TGFB2: variants seen among roughly 807,000 people sequenced by gnomAD.
TGFB2 encodes the protein transforming growth factor beta-2 proprotein.
In TGFB2, 13 loss-of-function variants were observed where a neutral mutation model predicts 42.7. The ratio of observed to expected loss-of-function variants is 0.30; its 90% CI spans 0.20 to 0.48. The LOEUF (loss-of-function observed/expected upper bound fraction) is 0.48, where lower values mean the gene tolerates loss of function less well. TGFB2 is among the 20% of genes least tolerant of loss of function. The pLI is 0.99. For missense variants in TGFB2, 390 were observed against 517.5 expected, an observed-to-expected ratio of 0.75 and a Z score of 2.39; for synonymous variants, 193 against 193.6, an observed-to-expected ratio of 1.00 and a Z score of 0.03.
chr1:218,389,231 A>T (rs1047003906), intron 1 of TGFB2, among the ~76,000 whole-genome samples: 6 of 152,200 alleles, frequency 3.9e-5, no homozygotes, highest in African/African-American at 1.4e-4. Context: ...CATCATTGTT[A>T]TGTGACTTAG....
rs771714779 is a variant in TGFB2, at chr1:218,405,399, C to T, written c.510+67C>T. On this transcript the variant is annotated intron_variant, in intron 2 of 6. Coordinates refer to ENST00000366930, the MANE Select transcript of TGFB2 (RefSeq NM_003238.6). ...TTTTAGACAGACTCTCTCTCTCTCTCTCTGTCACAGGCTAGAGTACAGTGG... is the reference window on the plus strand; with the variant it reads ...TTTTAGACAGACTCTCTCTCTCTCTTTCTGTCACAGGCTAGAGTACAGTGG... The T allele has an allele frequency of 3.1e-6, 5 of 1,600,170 alleles. No homozygotes were observed. In the South Asian group the frequency reaches 4.4e-5, roughly 14 times the overall value.
rs779476856 is a variant in TGFB2, at chr1:218,415,694, C to CAAAA, written c.510+10363_510+10366dup. 8.1e-3 allele frequency among the ~76,000 whole-genome samples: 327 copies of CAAAA among 40,140 alleles called. 91 individuals are homozygous for CAAAA. Among genetic ancestry groups the CAAAA allele is most frequent in the African/African-American group, 0.032 (288 of 8,910 alleles). 26.3% of individuals were successfully genotyped at this position (40,140 alleles called of 152,430 possible). On this transcript the variant is annotated intron_variant, in intron 2 of 6. Coordinates refer to ENST00000366930, the MANE Select transcript of TGFB2 (RefSeq NM_003238.6). The stretch of plus-strand genomic sequence containing the variant: ...TGGGCGACAGAGCGAGACTCTGTCT[C>CAAAA]AAAAGAAAAAAAAAAAAAAAAAAAA...
In TGFB2 at chr1:218,435,995, C is replaced by A; in HGVS notation, c.780C>A (p.Thr260=). ...GTATTGATGGCACCTCCACATATACCAGTGGTGATCAGAAAACTATAAAGT... is the reference window on the plus strand; with the variant it reads ...GTATTGATGGCACCTCCACATATACAAGTGGTGATCAGAAAACTATAAAGT... ...FAGIDGTSTY[T]SGDQKTIKST... Residue 260 remains threonine, a synonymous_variant, in exon 5 of 7, where the codon ACC becomes ACA. Coordinates refer to ENST00000366930, the MANE Select transcript of TGFB2 (RefSeq NM_003238.6). The A allele has an allele frequency of 6.2e-7, 1 of 1,613,348 alleles. No individual in the cohort carries two copies. Among genetic ancestry groups the A allele is most frequent in the African/African-American group, 1.3e-5 (1 of 74,978 alleles).
rs1659265256 is a variant in TGFB2, at chr1:218,415,956, G to T, written c.510+10624G>T. On this transcript the variant is annotated intron_variant, in intron 2 of 6. Coordinates refer to ENST00000366930, the MANE Select transcript of TGFB2 (RefSeq NM_003238.6). ...ATGGTTCATATTTCCCCTAAGGTTG[G>T]CTTGTGATTCTAAAACCACTCAACA... Among the ~76,000 whole-genome samples, 3 of 152,038 alleles carry T rather than the reference G, an allele frequency of 2.0e-5. No individual in the cohort carries two copies. In the South Asian group the frequency reaches 6.2e-4, roughly 32 times the overall value.
chr1:218,407,293 G>A (rs981359586), intron 2 of TGFB2, among the ~76,000 whole-genome samples: 9 of 152,080 alleles, frequency 5.9e-5, no homozygotes, highest in Admixed American at 3.9e-4. Context: ...TGCCAAGGCT[G>A]GTCTCTTAAT....
intron 1 of TGFB2, among the ~76,000 whole-genome samples, chr1:218,399,010 G>A (rs1262981535): frequency 6.6e-6 from 1 of 152,140 alleles, no homozygotes; most frequent in Non-Finnish European, 1.5e-5. Context: ...AGCCTCCCAA[G>A]TAGGTGGGAG....
At chr1:218,363,254 T>C (rs1657277080) in intron 1 of TGFB2, 2 of 1,217,902 alleles carry the variant, frequency 1.6e-6, no homozygotes, top group Non-Finnish European at 2.4e-6. Flanking sequence ...GTCCCTCTTC[T>C]ACTTTGAATC....
intron 1 of TGFB2, chr1:218,363,193 C>T: frequency 1.5e-6 from 1 of 679,094 alleles, no homozygotes; most frequent in South Asian, 2.0e-5. Flanking sequence ...ATCCCCTGGC[C>T]CCAGGTAGCA....
intron 2 of TGFB2, among the ~76,000 whole-genome samples, chr1:218,432,387 C>T (rs973520592): frequency 2.0e-5 from 3 of 152,118 alleles, no homozygotes; most frequent in Non-Finnish European, 4.4e-5. Flanking sequence ...AGGTTTTGGA[C>T]CACAGGGGCA....
chr1:218,401,665 A>G (rs1316563822), intron 1 of TGFB2, among the ~76,000 whole-genome samples: 1 of 152,216 alleles, frequency 6.6e-6, no homozygotes, highest in Non-Finnish European at 1.5e-5. Context: ...GATGCGCATT[A>G]CAGAGGACTT....
At chr1:218,360,216 T>G (rs965208433) in intron 1 of TGFB2, among the ~76,000 whole-genome samples, 6 of 152,362 alleles carry the variant, frequency 3.9e-5, no homozygotes, top group African/African-American at 1.2e-4. Context: ...CTTGTGCAGA[T>G]AGTTCAGAAA....
In TGFB2 at chr1:218,441,228, A is replaced by T. The variant is rs1375241926; in HGVS notation, c.1111A>T (p.Asn371Tyr). 6.2e-7 allele frequency: 1 copy of T among 1,613,290 alleles called. No individual in the cohort carries two copies. The highest frequency in any genetic ancestry group is 1.7e-5 in the Admixed American group (1 of 59,756). The change falls in exon 7 of 7, where the codon AAT becomes TAT. Residue 371 changes from asparagine (N) to tyrosine (Y), a missense_variant. Asn to Tyr is a moderately radical substitution (Grantham distance 143). Coordinates refer to ENST00000366930, the MANE Select transcript of TGFB2 (RefSeq NM_003238.6). Reference sequence around the variant, plus strand: ...GGTCCTGAGCTTATATAATACCATAAATCCAGAAGCATCTGCTTCTCCTTG... The same window carrying T: ...GGTCCTGAGCTTATATAATACCATATATCCAGAAGCATCTGCTTCTCCTTG... ...SRVLSLYNTI[N>Y]PEASASPCCV... is the part of the protein sequence containing the mutation.
chr1:218,441,452 T>A lies in TGFB2; in HGVS notation c.*90T>A. 7.2e-7 allele frequency: 1 copy of A among 1,395,130 alleles called. No individual in the cohort carries two copies. Among genetic ancestry groups the A allele is most frequent in the Non-Finnish European group, 9.6e-7 (1 of 1,045,540 alleles). 86.4% of individuals were successfully genotyped at this position (1,395,130 alleles called of 1,614,324 possible). On this transcript the variant is annotated 3_prime_UTR_variant, in exon 7 of 7. Coordinates refer to ENST00000366930, the MANE Select transcript of TGFB2 (RefSeq NM_003238.6). ...CGATGATGCTTGTAACAAGAAAACA[T>A]AAGAGAGCCTTGGTTCATCAGTGTT...
chr1:218,358,992 C>G (rs560058601), intron 1 of TGFB2, among the ~76,000 whole-genome samples: 15 of 148,966 alleles, frequency 1.0e-4, no homozygotes, highest in South Asian at 6.6e-4. Context: ...AACGGTCCCC[C>G]CAGAGGTCAG....
In TGFB2 at chr1:218,428,972, C is replaced by CTTT. The variant is rs34950123; in HGVS notation, c.511-5088_511-5086dup. Among the ~76,000 whole-genome samples, 522 of 95,868 alleles carry CTTT rather than the reference C, an allele frequency of 5.4e-3. 3 individuals carry two copies. Among genetic ancestry groups the CTTT allele is most frequent in the Non-Finnish European group, 6.4e-3 (324 of 50,284 alleles). The allele number at this position is 95,868 out of a possible 152,430, so 62.9% of individuals were successfully genotyped here. ...ATTGATTCTCCCTATCCATGAGCAT[C>CTTT]TTTTTTTTTTTTTTTTTTTTTTTTC... is the stretch of plus-strand genomic sequence containing the variant. On this transcript the variant is annotated intron_variant, in intron 2 of 6. Coordinates refer to ENST00000366930, the MANE Select transcript of TGFB2 (RefSeq NM_003238.6).
Position 218,436,100 on chromosome 1 carries a change from G to A in TGFB2, c.885G>A (p.Gln295=). The A allele has an allele frequency of 6.2e-7, 1 of 1,613,992 alleles. No individual in the cohort carries two copies. The highest frequency in any genetic ancestry group is 8.5e-7 in the Non-Finnish European group (1 of 1,179,936). The stretch of plus-strand genomic sequence containing the variant: ...CCTCCTACAGACTTGAGTCACAACA[G>A]ACCAACCGGCGGAAGAAGCGTGCTT... ...LLPSYRLESQ[Q]TNRRKKRALD... Residue 295 remains glutamine (Q), a synonymous_variant, in exon 5 of 7, where the codon CAG becomes CAA. Transcript: ENST00000366930.
At chr1:218,380,282 G>T (rs1038997243) in intron 1 of TGFB2, among the ~76,000 whole-genome samples, 4 of 152,202 alleles carry the variant, frequency 2.6e-5, no homozygotes, top group African/African-American at 9.6e-5. Context: ...AGGTTTGTGT[G>T]TTTGGGGACG....
chr1:218,400,388 G>T (rs1257602041), intron 1 of TGFB2, among the ~76,000 whole-genome samples: 1 of 152,118 alleles, frequency 6.6e-6, no homozygotes, highest in African/African-American at 2.4e-5. Flanking sequence ...CAGAGTGACA[G>T]GAGACTTTCA....
chr1:218,400,360 T>C (rs1658674549), intron 1 of TGFB2, among the ~76,000 whole-genome samples: 1 of 152,210 alleles, frequency 6.6e-6, no homozygotes, highest in African/African-American at 2.4e-5. Context: ...TGTGCTCACT[T>C]GGGCATGGGG....
Sources: gnomAD v4.1 joint callset for allele counts (sites outside exome capture counted in the v4.1 genomes callset) on GRCh38, gnomAD v4.1.1 for gene constraint, MANE v1.5 for transcripts, NCBI Gene and HGNC (gene_info 2026-07-23, HGNC 2026-07-21) for gene names.